The following THNSL2 variants were observed in gnomAD, a reference collection of about 807,000 sequenced individuals.
The protein encoded by THNSL2 is threonine synthase-like 2.
THNSL2 carries 34 observed loss-of-function variants against 40.0 expected under a neutral mutation model. The ratio of observed to expected loss-of-function variants is 0.85; its 90% CI spans 0.65 to 1.13. The LOEUF is 1.13. THNSL2 is among the 50% of genes most tolerant of loss of function. THNSL2 has a pLI of 0.00. For synonymous variants in THNSL2, 241 were observed against 247.5 expected, an observed-to-expected ratio of 0.97 and a Z score of 0.25; for missense variants, 537 against 608.8, an observed-to-expected ratio of 0.88 and a Z score of 1.24.
chr2:88,181,878 G>A (rs906831134), intron 5 of THNSL2, among the ~76,000 whole-genome samples: 37 of 152,114 alleles, frequency 2.4e-4, no homozygotes, highest in African/African-American at 8.5e-4. Flanking sequence ...GAATCATACA[G>A]GATGTGGTCT....
chr2:88,183,423 C>A (rs75439075), intron 7 of THNSL2: 5,860 of 185,986 alleles, frequency 0.032, 186 homozygotes, highest in Non-Finnish European at 0.042. Flanking sequence ...AAGCACTTTG[C>A]ATACTTCCTG....
intron 1 of THNSL2, among the ~76,000 whole-genome samples, 154 bp downstream of exon 1, chr2:88,170,610 T>G (rs1211975829): frequency 6.6e-6 from 1 of 152,328 alleles, no homozygotes; most frequent in Admixed American, 6.5e-5. Flanking sequence ...GCGCTCGGAC[T>G]TGAGGAACTT....
In THNSL2 at chr2:88,173,221, C is replaced by A. The variant is rs1462563835; in HGVS notation, c.71C>A (p.Ala24Glu). 8.1e-6 allele frequency: 13 copies of A among 1,610,406 alleles called. No homozygotes were observed. The highest frequency in any genetic ancestry group is 1.1e-5 in the Non-Finnish European group (13 of 1,178,912). The change falls in exon 2 of 9, where the codon GCA (alanine) becomes GAA (glutamate). Residue 24 changes from alanine to glutamate, a missense_variant. Coordinates refer to ENST00000674334, the MANE Select transcript of THNSL2 (RefSeq NM_018271.5). The stretch of plus-strand genomic sequence containing the variant: ...GAGGGGGCCCTCTTCTCTGGCTATG[C>A]ACCTGACGGGGGCCTCTTTATGCCT... ...NFEGALFSGY[A>E]PDGGLFMPEE...
intron 2 of THNSL2, among the ~76,000 whole-genome samples, chr2:88,174,283 A>G (rs1676669750): frequency 1.3e-5 from 2 of 152,202 alleles, no homozygotes; most frequent in African/African-American, 4.8e-5. Context: ...AGGAAGGAAC[A>G]TTAGATGGGA....
chr2:88,180,268 G>T (rs896259602), intron 5 of THNSL2, among the ~76,000 whole-genome samples: 2 of 152,162 alleles, frequency 1.3e-5, no homozygotes, highest in African/African-American at 4.8e-5. Flanking sequence ...TAAGACCCTG[G>T]ACCTTCCTGA....
chr2:88,182,189 TC>T (rs1328828331), intron 5 of THNSL2, among the ~76,000 whole-genome samples: 1 of 150,264 alleles, frequency 6.7e-6, no homozygotes, highest in Non-Finnish European at 1.5e-5. Context: ...CTGACAGACT[TC>T]AGTTTTCCAA....
At chr2:88,175,701 G>A (rs1002981781) in intron 4 of THNSL2, 2 of 320,036 alleles carry the variant, frequency 6.2e-6, no homozygotes, top group Non-Finnish European at 1.2e-5. Context: ...CAAGTGTCAT[G>A]TATGTCAGCA....
chr2:88,179,367 G>C (rs1418927404), intron 5 of THNSL2, among the ~76,000 whole-genome samples: 1 of 152,212 alleles, frequency 6.6e-6, no homozygotes, highest in East Asian at 1.9e-4. Flanking sequence ...TCCCAGCCCT[G>C]GCCAGCTACC....
intron 7 of THNSL2, among the ~76,000 whole-genome samples, chr2:88,184,114 T>C (rs1378082726): frequency 6.6e-6 from 1 of 152,228 alleles, no homozygotes; most frequent in African/African-American, 2.4e-5. Context: ...TGCAGTTCTC[T>C]AGGCTGAGCC....
chr2:88,175,395 T>A lies in THNSL2; in HGVS notation c.565T>A (p.Phe189Ile). 2.5e-6 allele frequency: 4 copies of A among 1,614,006 alleles called. No homozygotes were observed. The highest frequency in any genetic ancestry group is 2.5e-6 in the Non-Finnish European group (3 of 1,179,990). Residue 189 changes from phenylalanine to isoleucine, a missense_variant, in exon 4 of 9, where the codon TTT (phenylalanine) becomes ATT (isoleucine). Physicochemically the swap from Phe to Ile is conservative, Grantham distance 21. Transcript: ENST00000674334. Reference protein sequence around the residue: ...TTVLKQNVHVFGVEGNSDELD... With the variant: ...TTVLKQNVHVIGVEGNSDELD... ...GGTGCTGAAGCAGAACGTACATGTG[T>A]TTGGAGGTGTGTGCTGAGGCAGAGG... is the stretch of plus-strand genomic sequence containing the variant.
At chr2:88,171,492 G>C (rs1676372925) in intron 1 of THNSL2, 1 of 355,232 alleles carries the variant, frequency 2.8e-6, no homozygotes, top group African/African-American at 2.1e-5. Flanking sequence ...TGCCTTGCTC[G>C]CTCCTGCCCT....
intron 1 of THNSL2, chr2:88,171,613 T>TA: frequency 5.4e-6 from 1 of 186,224 alleles, no homozygotes; most frequent in Non-Finnish European, 1.2e-5. Context: ...CTCTAACTCT[T>TA]ACCACAGAAT....
At chr2:88,171,257 C>G (rs1051519487) in intron 1 of THNSL2, 2 of 456,342 alleles carry the variant, frequency 4.4e-6, no homozygotes, top group African/African-American at 2.0e-5. Flanking sequence ...AATGCTGCCC[C>G]TGGAAGGCAT....
chr2:88,174,555 G>A, intron 2 of THNSL2, 84 bp from the exon 3 acceptor site: 1 of 1,443,404 alleles, frequency 6.9e-7, no homozygotes, highest in Non-Finnish European at 9.4e-7. Context: ...AGCAGGAGTT[G>A]GAAACTTTAT....
At chr2:88,171,815 G>A (rs1204177776) in intron 1 of THNSL2, 2 of 153,570 alleles carry the variant, frequency 1.3e-5, no homozygotes, top group Non-Finnish European at 2.9e-5. Flanking sequence ...GAGAGTTCTG[G>A]CTTATACCAT....
rs765203636 is a variant in THNSL2, at chr2:88,173,192, C to G, written c.42C>G (p.Asn14Lys). ...VSTRGVAPRV[N>K]FEGALFSGYA... is the part of the protein sequence containing the mutation. ...CCAGGGGCGTAGCCCCACGGGTCAA[C>G]TTTGAGGGGGCCCTCTTCTCTGGCT... Residue 14 changes from asparagine to lysine, a missense_variant, in exon 2 of 9, where the codon AAC (asparagine) becomes AAG (lysine). Transcript: ENST00000674334. 6.2e-7 allele frequency: 1 copy of G among 1,603,484 alleles called. No homozygotes were observed. Among genetic ancestry groups the G allele is most frequent in the Non-Finnish European group, 8.5e-7 (1 of 1,174,086 alleles).
In THNSL2 at chr2:88,182,804, C is replaced by T. The variant is rs769362831; in HGVS notation, c.908C>T (p.Ser303Phe). 1 of 1,614,132 alleles carries T rather than the reference C, an allele frequency of 6.2e-7. No homozygotes were observed. The highest frequency in any genetic ancestry group is 1.1e-5 in the South Asian group (1 of 91,076). The change falls in exon 6 of 9, where the codon TCT becomes TTT. Residue 303 changes from serine to phenylalanine, a missense_variant. Transcript: ENST00000674334. Reference sequence around the variant, plus strand: ...GTCCAGCAGGGAGACTTCTCTCTCTCTGAGGCTGTTAAATCAACCTTGGCA... The same window carrying T: ...GTCCAGCAGGGAGACTTCTCTCTCTTTGAGGCTGTTAAATCAACCTTGGCA... ...RTVQQGDFSLSEAVKSTLASA... is the reference protein window; with the variant it reads ...RTVQQGDFSLFEAVKSTLASA...
intron 5 of THNSL2, among the ~76,000 whole-genome samples, chr2:88,181,558 C>T (rs899752836): frequency 1.7e-4 from 23 of 134,018 alleles, no homozygotes; most frequent in African/African-American, 5.0e-4. Context: ...TCCCCTCTCT[C>T]TCCTCTCTCT....
chr2:88,174,654 C>G lies in THNSL2; in HGVS notation c.239C>G (p.Ala80Gly), dbSNP rs142704703. Residue 80 changes from alanine to glycine, a missense_variant, in exon 3 of 9, where the codon GCC becomes GGC. By Grantham distance (60) the Ala-to-Gly change is moderately conservative. Transcript: ENST00000674334. ...ACCCTCACAGATCTGATCGACCGAG[C>G]CTTCAGCAGATTCCGTCACAGAGAA... ...KDELNDLIDR[A>G]FSRFRHREVV... 185 of 1,614,086 alleles carry G rather than the reference C, an allele frequency of 1.1e-4. 1 individual carries two copies. In the African/African-American group the frequency reaches 2.0e-3, roughly 17 times the overall value.
Sources: allele counts gnomAD v4.1 joint callset (sites outside exome capture counted in the v4.1 genomes callset), GRCh38; gene constraint gnomAD v4.1.1; transcripts MANE v1.5; gene names NCBI Gene and HGNC (gene_info 2026-07-23, HGNC 2026-07-21).